The following GNA13 variants were observed in gnomAD, a reference collection of about 807,000 sequenced individuals.
The protein encoded by GNA13 is guanine nucleotide-binding protein subunit alpha-13.
In GNA13, 4 loss-of-function variants were observed where a neutral mutation model predicts 33.5. The ratio of observed to expected loss-of-function variants is 0.12; its 90% CI spans 0.06 to 0.27. The LOEUF is 0.27. GNA13 is among the 10% of genes least tolerant of loss of function. GNA13 has a pLI of 1.00. For missense variants in GNA13, 319 were observed against 487.2 expected (o/e 0.65, Z 3.25); for synonymous variants, 176 against 183.8 (o/e 0.96, Z 0.34).
At chr17:65,056,249 G>GCCCCCCCCCCCGCCCCCCC in intron 1 of GNA13, 62 bp downstream of exon 1, 1 of 774,834 alleles carries the variant, frequency 1.3e-6, no homozygotes, top group Admixed American at 2.4e-5. Flanking sequence ...GCCCCGCCCC[G>GCCCCCCCCCCCGCCCCCCC]CACCCGCCGC....
chr17:65,055,904 G>C, intron 1 of GNA13: 1 of 225,412 alleles, frequency 4.4e-6, no homozygotes, highest in Non-Finnish European at 7.5e-6. Context: ...CCCGAGCAGG[G>C]GATGGGGGTG....
At position 65,014,772 on chromosome 17, in the gene GNA13, G is replaced by T; in HGVS notation, c.619C>A (p.His207Asn). ...LLARRPTKGI[H>N]EYDFEIKNVP... ...TTTTTTATTTCAAAGTCGTATTCAT[G>T]GATGCCTTTGGTGGGTCTTCTGGCA... Residue 207 changes from histidine to asparagine, a missense_variant, in exon 4 of 4, where the codon CAT becomes AAT. His to Asn is a moderately conservative substitution (Grantham distance 68). This residue lies in a region of GNA13 where 134 missense variants were observed against 241.3 expected (regional missense o/e 0.56). Coordinates refer to ENST00000439174, the MANE Select transcript of GNA13 (RefSeq NM_006572.6). The surrounding 1 kb of genome is among the most constrained non-coding windows in gnomAD (Gnocchi z 5.3). 6.2e-7 allele frequency: 1 copy of T among 1,613,462 alleles called. No homozygotes were observed. The highest frequency in any genetic ancestry group is 8.5e-7 in the Non-Finnish European group (1 of 1,179,410).
rs1017070732 is a variant in GNA13 at position 65,009,441 on chromosome 17, T to G, written c.*4816A>C. Among the ~76,000 whole-genome samples, 2 of 152,192 alleles carry G rather than the reference T, an allele frequency of 1.3e-5. No individual in the cohort carries two copies. Among genetic ancestry groups the G allele is most frequent in the African/African-American group, 4.8e-5 (2 of 41,456 alleles). On this transcript the variant is annotated 3_prime_UTR_variant, in exon 4 of 4. Coordinates refer to ENST00000439174, the MANE Select transcript of GNA13 (RefSeq NM_006572.6). ...ATAAAATCAAACCATTCTTTCCACTTTTAGACCTCCTTTAGAAATAATTTA... is the reference window on the plus strand; with the variant it reads ...ATAAAATCAAACCATTCTTTCCACTGTTAGACCTCCTTTAGAAATAATTTA...
At chr17:65,015,759 T>C (rs992147289) in intron 3 of GNA13, among the ~76,000 whole-genome samples, 21 of 151,248 alleles carry the variant, frequency 1.4e-4, no homozygotes, top group African/African-American at 4.8e-4. Flanking sequence ...CACCTCTCTC[T>C]AACCTATTCT....
At chr17:65,049,494 C>T (rs1907785620) in intron 2 of GNA13, among the ~76,000 whole-genome samples, 1 of 152,136 alleles carries the variant, frequency 6.6e-6, no homozygotes, top group Non-Finnish European at 1.5e-5. Flanking sequence ...GAGAAAAAGA[C>T]AAACTAGGCA....
intron 2 of GNA13, among the ~76,000 whole-genome samples, chr17:65,042,261 G>A (rs1387018703): frequency 6.6e-6 from 1 of 151,666 alleles, no homozygotes; most frequent in Non-Finnish European, 1.5e-5. Flanking sequence ...GGGAGCCTGA[G>A]GCAGGAGAAT....
Position 65,033,006 on chromosome 17 carries a change from G to A in GNA13, c.511-14703C>T, listed in dbSNP as rs189193602. On this transcript the variant is annotated intron_variant, in intron 2 of 3. Transcript: ENST00000439174. ...GGCACCTGTAATCCCAGCTACTCAG[G>A]AGGCTGAGGCAGGAGAATTGCTTGA... Among the ~76,000 whole-genome samples the A allele has an allele frequency of 6.5e-4, 99 of 152,142 alleles. No individual in the cohort carries two copies. The Middle Eastern group carries it at 0.024, about 37-fold the overall frequency.
chr17:65,056,389 G>C lies in GNA13; in HGVS notation c.205C>G (p.Arg69Gly). ...TCGAAGTCCTGCCCGTGGATGATCC[G>C]CATCTGCTTCAGGAAGGTGGACTTG... ...SGKSTFLKQMRIIHGQDFDQR... is the reference protein window; with the variant it reads ...SGKSTFLKQMGIIHGQDFDQR... The change falls in exon 1 of 4, where the codon CGG becomes GGG. Residue 69 changes from arginine (R) to glycine (G), a missense_variant. By Grantham distance (125) the Arg-to-Gly change is moderately radical. Transcript: ENST00000439174. 6.2e-7 allele frequency: 1 copy of C among 1,613,514 alleles called. No individual in the cohort carries two copies. The highest frequency in any genetic ancestry group is 8.5e-7 in the Non-Finnish European group (1 of 1,179,808).
chr17:65,013,971 T>C lies in GNA13; in HGVS notation c.*286A>G. ...TTGGAAAGTAGAATAATTTAAAGCC[T>C]GAAATATGCCTAGTCTGAGGTCAGC... is the stretch of plus-strand genomic sequence containing the variant. On this transcript the variant is annotated 3_prime_UTR_variant, in exon 4 of 4. Transcript: ENST00000439174. The C allele has an allele frequency of 8.0e-6, 3 of 374,844 alleles. No individual in the cohort carries two copies. Among genetic ancestry groups the C allele is most frequent in the Non-Finnish European group, 1.5e-5 (3 of 206,704 alleles). The allele number at this position is 374,844 out of a possible 1,614,324, so 23.2% of individuals were successfully genotyped here. A position where few individuals can be genotyped will look rare whatever the true frequency, so the allele number is the denominator to read the frequency against.
At chr17:65,028,454 T>TG (rs1567820745) in intron 2 of GNA13, among the ~76,000 whole-genome samples, 1 of 145,474 alleles carries the variant, frequency 6.9e-6, no homozygotes, top group Non-Finnish European at 1.5e-5. Context: ...AGGAAGAAAG[T>TG]GGAAAAAAAA....
At chr17:65,017,137 C>T (rs538147026) in intron 3 of GNA13, among the ~76,000 whole-genome samples, 21 of 152,260 alleles carry the variant, frequency 1.4e-4, no homozygotes, top group East Asian at 5.8e-4. Flanking sequence ...ACTTAACACC[C>T]GACTGCTTTC....
At chr17:65,049,735 C>CT (rs1433829192) in intron 2 of GNA13, among the ~76,000 whole-genome samples, 1 of 152,228 alleles carries the variant, frequency 6.6e-6, no homozygotes, top group Non-Finnish European at 1.5e-5. Context: ...TCCAAACCAC[C>CT]TATGGCTATT....
intron 1 of GNA13, 32 bp from the exon 2 acceptor site, chr17:65,053,760 G>A (rs746250264): frequency 1.5e-6 from 2 of 1,302,196 alleles, no homozygotes; most frequent in Admixed American, 3.5e-5. Flanking sequence ...AAAATGTATG[G>A]AGAGGAGTCA....
At chr17:65,031,890 G>GAA (rs1555601939) in intron 2 of GNA13, among the ~76,000 whole-genome samples, 27 of 86,218 alleles carry the variant, frequency 3.1e-4, no homozygotes, top group East Asian at 1.4e-3. Flanking sequence ...GAGAGAGAGA[G>GAA]AGAGAAAGAG....
intron 2 of GNA13, among the ~76,000 whole-genome samples, chr17:65,026,277 G>A (rs576073635): frequency 8.0e-5 from 12 of 149,422 alleles, no homozygotes; most frequent in Non-Finnish European, 4.4e-5. Context: ...TTCAAATCAA[G>A]ACTACACTAT....
At chr17:65,055,833 C>T in intron 1 of GNA13, 1 of 841,304 alleles carries the variant, frequency 1.2e-6, no homozygotes, top group Middle Eastern at 6.1e-4. Context: ...GAGTTGGGAG[C>T]GCATGCGACC....
intron 3 of GNA13, among the ~76,000 whole-genome samples, 154 bp downstream of exon 3, chr17:65,018,092 TAAAAAAA>T (rs767082596): frequency 4.2e-4 from 9 of 21,496 alleles, no homozygotes; most frequent in African/African-American, 5.6e-4. Context: ...ACGCCACCAC[TAAAAAAA>T]AAAAAAAAAA....
chr17:65,024,241 G>A (rs1047891440), intron 2 of GNA13, among the ~76,000 whole-genome samples: 1 of 152,120 alleles, frequency 6.6e-6, no homozygotes, highest in Non-Finnish European at 1.5e-5. Flanking sequence ...GACAGAGCAA[G>A]ACCTTCTCCA....
At chr17:65,026,836 T>C (rs1186366011) in intron 2 of GNA13, among the ~76,000 whole-genome samples, 3 of 152,218 alleles carry the variant, frequency 2.0e-5, no homozygotes, top group Non-Finnish European at 4.4e-5. Context: ...TGGGGTGCAA[T>C]GGCAGGATCC....
Sources: allele counts gnomAD v4.1 joint callset (sites outside exome capture counted in the v4.1 genomes callset), GRCh38; gene constraint gnomAD v4.1.1; regional missense constraint gnomAD v4.1.1; non-coding constraint Gnocchi (gnomAD v3.1); transcripts MANE v1.5; gene names NCBI Gene and HGNC (gene_info 2026-07-23, HGNC 2026-07-21).